The following SLC7A6 variants were observed in gnomAD, a reference collection of about 807,000 sequenced individuals.
The protein encoded by SLC7A6 is solute carrier family 7 member 6.
A neutral mutation model predicts 46.6 loss-of-function variants in SLC7A6; 29 were observed. The ratio of observed to expected loss-of-function variants is 0.62; its 90% CI spans 0.46 to 0.85. The LOEUF (loss-of-function observed/expected upper bound fraction) is 0.85, where lower values mean the gene tolerates loss of function less well. SLC7A6 is among the 40% of genes least tolerant of loss of function. The probability of loss-of-function intolerance (pLI) is 0.00; values close to 1 mark genes in which losing one functional copy is unlikely to be tolerated. For synonymous variants in SLC7A6, 276 were observed against 257.3 expected (o/e 1.07, Z -0.70); for missense variants, 527 against 647.6 (o/e 0.81, Z 2.02).
At chr16:68,296,033 T>A (rs577567922) in intron 8 of SLC7A6, among the ~76,000 whole-genome samples, 10 of 152,080 alleles carry the variant, frequency 6.6e-5, no homozygotes, top group Non-Finnish European at 1.2e-4. Flanking sequence ...GTCTAACCCC[T>A]CTCTAGGACA....
rs2043210071 is a variant in SLC7A6 at position 68,298,263 on chromosome 16, A to G, written c.*935A>G. 1 of 152,596 alleles carries G rather than the reference A, an allele frequency of 6.6e-6. No homozygotes were observed. Among genetic ancestry groups the G allele is most frequent in the East Asian group, 1.9e-4 (1 of 5,194 alleles). The allele number at this position is 152,596 out of a possible 1,614,324, so 9.5% of individuals were successfully genotyped here. A position where few individuals can be genotyped will look rare whatever the true frequency, so the allele number is the denominator to read the frequency against. ...TCTCTGGGTTTCTGTTACGAACTCT[A>G]AGAGGGCTGAAACTTCTGATATTCA... On this transcript the variant is annotated 3_prime_UTR_variant, in exon 11 of 11. Coordinates refer to ENST00000219343, the MANE Select transcript of SLC7A6 (RefSeq NM_003983.6).
At chr16:68,288,836 C>T (rs1053083971) in intron 4 of SLC7A6, among the ~76,000 whole-genome samples, 4 of 151,352 alleles carry the variant, frequency 2.6e-5, no homozygotes, top group East Asian at 3.9e-4. Context: ...TGGTGGTGCG[C>T]GCCTGTAATC....
At position 68,301,083 on chromosome 16, in the gene SLC7A6, T is replaced by G; in HGVS notation, c.*3755T>G. The G allele has an allele frequency of 1.5e-6, 2 of 1,291,178 alleles. No homozygotes were observed. Among genetic ancestry groups the G allele is most frequent in the Non-Finnish European group, 2.0e-6 (2 of 1,017,838 alleles). 80.0% of individuals were successfully genotyped at this position (1,291,178 alleles called of 1,614,324 possible). A position where few individuals can be genotyped will look rare whatever the true frequency, so the allele number is the denominator to read the frequency against. On this transcript the variant is annotated 3_prime_UTR_variant, in exon 11 of 11. Coordinates refer to ENST00000219343, the MANE Select transcript of SLC7A6 (RefSeq NM_003983.6). Reference sequence around the variant, plus strand: ...TTTGATTGAGGCAAAGGGGTCCTACTGTAAGTGGAAAAGACTCACTCCCCT... The same window carrying G: ...TTTGATTGAGGCAAAGGGGTCCTACGGTAAGTGGAAAAGACTCACTCCCCT...
At chr16:68,275,286 T>TGGGGGGGG in intron 3 of SLC7A6, 37 bp downstream of exon 3, 2 of 801,412 alleles carry the variant, frequency 2.5e-6, no homozygotes, top group Admixed American at 2.3e-5. Context: ...TGTTGGGGGG[T>TGGGGGGGG]GGGGGGTACT....
chr16:68,271,720 A>G (rs1488374821), intron 2 of SLC7A6, among the ~76,000 whole-genome samples: 1 of 152,140 alleles, frequency 6.6e-6, no homozygotes, highest in African/African-American at 2.4e-5. Context: ...TTACATCACA[A>G]TTTTGCTCTT....
At chr16:68,265,686 A>G (rs948236129) in intron 1 of SLC7A6, 1 of 152,098 alleles carries the variant, frequency 6.6e-6, no homozygotes, top group African/African-American at 2.4e-5. Context: ...CTCAGGTCCC[A>G]TGTGTGCTGC....
chr16:68,294,854 TG>T, intron 8 of SLC7A6, 53 bp downstream of exon 8: 1 of 1,246,072 alleles, frequency 8.0e-7, no homozygotes, highest in Non-Finnish European at 1.2e-6. Flanking sequence ...TTGCTCCTTC[TG>T]ATTTGTGCTA....
chr16:68,296,529 C>T lies in SLC7A6; in HGVS notation c.1269+16C>T. 6.2e-7 allele frequency: 1 copy of T among 1,614,196 alleles called. No homozygotes were observed. The highest frequency in any genetic ancestry group is 8.5e-7 in the Non-Finnish European group (1 of 1,180,024). Reference sequence around the variant, plus strand: ...GCCTCTCAAGGTCAGCAGCTCTGGCCAGACTAGGAGGGGTGGGCCATCTCC... The same window carrying T: ...GCCTCTCAAGGTCAGCAGCTCTGGCTAGACTAGGAGGGGTGGGCCATCTCC... On this transcript the variant is annotated intron_variant, in intron 9 of 10. Coordinates refer to ENST00000219343, the MANE Select transcript of SLC7A6 (RefSeq NM_003983.6).
intron 2 of SLC7A6, among the ~76,000 whole-genome samples, chr16:68,271,485 A>T (rs2042622750): frequency 6.7e-6 from 1 of 150,242 alleles, no homozygotes; most frequent in Non-Finnish European, 1.5e-5. Flanking sequence ...TAACTTTTGT[A>T]GTTTTTTGGT....
At position 68,264,533 on chromosome 16, in the gene SLC7A6, CGGCGGCGCGACCGAGCATCCT is replaced by C. The variant is rs2151209849; in HGVS notation, c.-200_-180del. ...GGCGGGGCCTGAGCTGCCGCGGCGG[CGGCGGCGCGACCGAGCATCCT>C]GGCGGCGCCGGGCCACTGGGAGGTA... On this transcript the variant is annotated 5_prime_UTR_variant, in exon 1 of 11. Transcript: ENST00000219343. The surrounding 1 kb of genome is among the most constrained non-coding windows in gnomAD (Gnocchi z 5.8). 6.6e-6 allele frequency: 1 copy of C among 151,276 alleles called. No individual in the cohort carries two copies. Among genetic ancestry groups the C allele is most frequent in the African/African-American group, 2.4e-5 (1 of 41,362 alleles). 9.4% of individuals were successfully genotyped at this position (151,276 alleles called of 1,614,324 possible).
At chr16:68,293,054 C>T (rs1293254130) in intron 7 of SLC7A6, among the ~76,000 whole-genome samples, 8 of 152,150 alleles carry the variant, frequency 5.3e-5, no homozygotes, top group African/African-American at 9.7e-5. Flanking sequence ...CTGGTTTTCA[C>T]ACACCAGTCC....
At chr16:68,288,834 C>T (rs866920026) in intron 4 of SLC7A6, among the ~76,000 whole-genome samples, 6 of 151,146 alleles carry the variant, frequency 4.0e-5, no homozygotes, top group East Asian at 1.9e-4. Context: ...CATGGTGGTG[C>T]GCGCCTGTAA....
Position 68,300,591 on chromosome 16 carries a change from A to G in SLC7A6, c.*3263A>G. 2.0e-6 allele frequency: 2 copies of G among 980,304 alleles called. No individual in the cohort carries two copies. Among genetic ancestry groups the G allele is most frequent in the Non-Finnish European group, 2.4e-6 (2 of 825,294 alleles). 60.7% of individuals were successfully genotyped at this position (980,304 alleles called of 1,614,324 possible). ...TCCCTGTTTTAGATATTCAGATTTA[A>G]AAGGTTTTCAAAGAATTACTTTCTT... On this transcript the variant is annotated 3_prime_UTR_variant, in exon 11 of 11. Coordinates refer to ENST00000219343, the MANE Select transcript of SLC7A6 (RefSeq NM_003983.6).
rs778172692 is a variant in SLC7A6, at chr16:68,299,691, C to T, written c.*2363C>T. On this transcript the variant is annotated 3_prime_UTR_variant, in exon 11 of 11. Transcript: ENST00000219343. Reference sequence around the variant, plus strand: ...AGCACAGTGTTTTGTTTTTTTCACCCGGTTGCTGTATGAGAATGGCTTTCA... The same window carrying T: ...AGCACAGTGTTTTGTTTTTTTCACCTGGTTGCTGTATGAGAATGGCTTTCA... 4 of 152,082 alleles carry T rather than the reference C, an allele frequency of 2.6e-5. No individual in the cohort carries two copies. Among genetic ancestry groups the T allele is most frequent in the Non-Finnish European group, 5.9e-5 (4 of 68,012 alleles). 9.4% of individuals were successfully genotyped at this position (152,082 alleles called of 1,614,324 possible). A position where few individuals can be genotyped will look rare whatever the true frequency, so the allele number is the denominator to read the frequency against.
chr16:68,291,110 G>A (rs1218994910), intron 5 of SLC7A6, 99 bp from the exon 6 acceptor site: 2 of 1,509,976 alleles, frequency 1.3e-6, no homozygotes, highest in East Asian at 2.3e-5. Flanking sequence ...GGAGGCTAGT[G>A]AACTGTTAAA....
At chr16:68,296,262 G>C (rs543563786) in intron 8 of SLC7A6, 102 bp from the exon 9 acceptor site, 2 of 1,309,682 alleles carry the variant, frequency 1.5e-6, no homozygotes, top group African/African-American at 1.4e-5. Flanking sequence ...GAGGTAATCT[G>C]GTGAAGTGGC....
intron 3 of SLC7A6, among the ~76,000 whole-genome samples, chr16:68,281,965 G>A (rs567477856): frequency 2.0e-5 from 3 of 152,348 alleles, no homozygotes; most frequent in Non-Finnish European, 2.9e-5. Context: ...GGGTGACAGT[G>A]AGCAGGAGGA....
Position 68,291,786 on chromosome 16 carries a change from T to A in SLC7A6, c.1022+125T>A, listed in dbSNP as rs892202201. 43 of 728,766 alleles carry A rather than the reference T, an allele frequency of 5.9e-5. 1 individual carries two copies. Among genetic ancestry groups the A allele is most frequent in the Non-Finnish European group, 8.3e-5 (36 of 433,608 alleles). The allele number at this position is 728,766 out of a possible 1,614,324, so 45.1% of individuals were successfully genotyped here. On this transcript the variant is annotated intron_variant, in intron 7 of 10. Transcript: ENST00000219343. ...GGGTGTGTGTGTGTGTGTGTGTGTG[T>A]GTGTGTGTGTGTGTTTGGTATGTGG...
chr16:68,287,893 AC>A, intron 4 of SLC7A6, 22 bp downstream of exon 4: 1 of 1,610,452 alleles, frequency 6.2e-7, no homozygotes, highest in Non-Finnish European at 8.5e-7. Flanking sequence ...GAAGGGGGGT[AC>A]CACCAACAGT....
Sources: allele counts gnomAD v4.1 joint callset (sites outside exome capture counted in the v4.1 genomes callset), GRCh38; gene constraint gnomAD v4.1.1; non-coding constraint Gnocchi (gnomAD v3.1); transcripts MANE v1.5; gene names NCBI Gene and HGNC (gene_info 2026-07-23, HGNC 2026-07-21).